The following LAX1 variants were observed in gnomAD, a reference collection of about 807,000 sequenced individuals.
LAX1 encodes the protein lymphocyte transmembrane adapter 1.
A neutral mutation model predicts 20.7 loss-of-function variants in LAX1; 17 were observed. The ratio of observed to expected loss-of-function variants is 0.82; its 90% CI spans 0.56 to 1.23. The LOEUF (loss-of-function observed/expected upper bound fraction) is 1.23, where lower values mean the gene tolerates loss of function less well. LAX1 is among the 50% of genes most tolerant of loss of function. The pLI is 0.00. For missense variants in LAX1, 470 were observed against 487.0 expected, an observed-to-expected ratio of 0.97 and a Z score of 0.33; for synonymous variants, 165 against 181.0, an observed-to-expected ratio of 0.91 and a Z score of 0.71.
chr1:203,775,961 A>ATGGAGC lies in LAX1; in HGVS notation c.*1283_*1288dup. On this transcript the variant is annotated 3_prime_UTR_variant, in exon 5 of 5. Coordinates refer to ENST00000442561, the MANE Select transcript of LAX1 (RefSeq NM_017773.4). ...AAGGGGCTGCAAAGGGAATAGGCTG[A>ATGGAGC]TGGAGCTGTTCTGTATGGTACTGTG... 1 of 152,360 alleles carries ATGGAGC rather than the reference A, an allele frequency of 6.6e-6. No homozygotes were observed. Among genetic ancestry groups the ATGGAGC allele is most frequent in the East Asian group, 1.9e-4 (1 of 5,164 alleles). 9.4% of individuals were successfully genotyped at this position (152,360 alleles called of 1,614,324 possible). A position where few individuals can be genotyped will look rare whatever the true frequency, so the allele number is the denominator to read the frequency against.
Position 203,774,119 on chromosome 1 carries a change from C to T in LAX1, c.635C>T (p.Pro212Leu). The T allele has an allele frequency of 6.2e-7, 1 of 1,614,158 alleles. No homozygotes were observed. The highest frequency in any genetic ancestry group is 1.7e-5 in the Admixed American group (1 of 60,002). Residue 212 changes from proline (P) to leucine (L), a missense_variant, in exon 5 of 5, where the codon CCT (proline) becomes CTT (leucine). Pro to Leu is a moderately conservative substitution (Grantham distance 98). Coordinates refer to ENST00000442561, the MANE Select transcript of LAX1 (RefSeq NM_017773.4). ...GAGACTCTAGCTTCTACCAAAAGCC[C>T]TTCCAGAAATCTCTTTGTTCTTCCC... is the stretch of plus-strand genomic sequence containing the variant. ...IAETLASTKS[P>L]SRNLFVLPST...
At chr1:203,770,689 T>C (rs1314970736) in intron 1 of LAX1, 139 bp from the exon 2 acceptor site, 2 of 669,980 alleles carry the variant, frequency 3.0e-6, no homozygotes, top group East Asian at 5.3e-5. Flanking sequence ...GATAACCCTC[T>C]CTTCCACCAC....
rs756688144 is a variant in LAX1, at chr1:203,774,567, T to C, written c.1083T>C (p.His361=). The C allele has an allele frequency of 1.7e-5, 27 of 1,613,954 alleles. No homozygotes were observed. The highest frequency in any genetic ancestry group is 1.6e-4 in the Middle Eastern group (1 of 6,084). ...AGAGTGAGGACAGTCAGATGAAACA[T>C]AGAGAAGAGATGTCAAATGAGGACT... ...FTQSEDSQMK[H]REEMSNEDSS... Residue 361 remains histidine (H), a synonymous_variant, in exon 5 of 5, where the codon CAT becomes CAC. Transcript: ENST00000442561.
chr1:203,773,104 A>C (rs1667448360), intron 4 of LAX1, among the ~76,000 whole-genome samples: 1 of 152,168 alleles, frequency 6.6e-6, no homozygotes, highest in Admixed American at 6.6e-5. Context: ...CACACTTAAA[A>C]ACCTGCTTTG....
Position 203,769,793 on chromosome 1 carries a change from G to GT in LAX1, c.90-1035_90-1034insT, listed in dbSNP as rs1667373916. The GT allele has an allele frequency of 2.0e-5, 3 of 149,988 alleles. No individual in the cohort carries two copies. In the Admixed American group the frequency reaches 2.0e-4, roughly 10 times the overall value. The allele number at this position is 149,988 out of a possible 1,614,324, so 9.3% of individuals were successfully genotyped here. ...TGGTGCGGGGGGGGGGGCGGCGGGG[G>GT]GTGGGGGGTGTTATTCAAGTTCATG... On this transcript the variant is annotated intron_variant, in intron 1 of 4. Coordinates refer to ENST00000442561, the MANE Select transcript of LAX1 (RefSeq NM_017773.4).
intron 1 of LAX1, among the ~76,000 whole-genome samples, chr1:203,766,106 T>TG (rs1290065040): frequency 6.6e-6 from 1 of 152,196 alleles, no homozygotes; most frequent in African/African-American, 2.4e-5. Flanking sequence ...GAACTAATCA[T>TG]GGGTATGAAT....
At position 203,770,457 on chromosome 1, in the gene LAX1, G is replaced by GAGAGAGAGAGAGAGAGA. The variant is rs55910139; in HGVS notation, c.90-371_90-370insAGAGAGAGAGAGAGAGA. ...AAAGAGAGAGAGAGAGAGAGAGAAA[G>GAGAGAGAGAGAGAGAGA]GAAGGAAGGAAGGAAGGAAGGAAGG... On this transcript the variant is annotated intron_variant, in intron 1 of 4. Transcript: ENST00000442561. 7.6e-4 allele frequency among the ~76,000 whole-genome samples: 22 copies of GAGAGAGAGAGAGAGAGA among 28,950 alleles called. 1 individual carries two copies. Among genetic ancestry groups the GAGAGAGAGAGAGAGAGA allele is most frequent in the South Asian group, 2.0e-3 (2 of 984 alleles). The allele number at this position is 28,950 out of a possible 152,430, so 19.0% of individuals were successfully genotyped here. A position where few individuals can be genotyped will look rare whatever the true frequency, so the allele number is the denominator to read the frequency against.
intron 4 of LAX1, 89 bp from the exon 5 acceptor site, chr1:203,773,778 TTTTTTTCA>T: frequency 3.7e-6 from 1 of 267,428 alleles, no homozygotes; most frequent in East Asian, 7.4e-5. Context: ...TTTTTTTTTT[TTTTTTTCA>T]GAATATGCCA....
At chr1:203,772,044 A>G (rs773011737) in intron 3 of LAX1, 24 bp from the exon 4 acceptor site, 1 of 1,590,998 alleles carries the variant, frequency 6.3e-7, no homozygotes, top group Admixed American at 1.7e-5. Flanking sequence ...GGCTATCTTC[A>G]GGATTTGTTC....
chr1:203,767,552 C>T (rs1426273479), intron 1 of LAX1, among the ~76,000 whole-genome samples: 1 of 151,934 alleles, frequency 6.6e-6, no homozygotes, highest in East Asian at 1.9e-4. Context: ...AGGTGATCCG[C>T]CCACCTCCGC....
rs4950987 is a variant in LAX1 at position 203,770,494 on chromosome 1, G to A, written c.90-334G>A. 0.038 allele frequency among the ~76,000 whole-genome samples: 1,520 copies of A among 40,280 alleles called. 210 individuals carry two copies. The East Asian group carries it at 0.54, about 14-fold the overall frequency. 26.4% of individuals were successfully genotyped at this position (40,280 alleles called of 152,430 possible). A position where few individuals can be genotyped will look rare whatever the true frequency, so the allele number is the denominator to read the frequency against. On this transcript the variant is annotated intron_variant, in intron 1 of 4. Transcript: ENST00000442561. ...GGAAGGAAGGAAGGAAGGAAGGAAG[G>A]AAGGAAGGAAGGAAGGAAGAAAGAA... is the stretch of plus-strand genomic sequence containing the variant.
intron 2 of LAX1, 74 bp from the exon 3 acceptor site, chr1:203,771,293 C>T (rs1244928619): frequency 7.5e-6 from 7 of 937,594 alleles, no homozygotes; most frequent in East Asian, 4.8e-5. Flanking sequence ...CAGGGGCCAT[C>T]TCATTCCCAT....
intron 3 of LAX1, 73 bp from the exon 4 acceptor site, chr1:203,771,995 T>C (rs1020004971): frequency 1.7e-6 from 2 of 1,206,196 alleles, no homozygotes; most frequent in African/African-American, 1.5e-5. Flanking sequence ...GCTTCATCCA[T>C]GATGCAGGGA....
chr1:203,771,973 C>A, intron 3 of LAX1, 95 bp from the exon 4 acceptor site: 1 of 994,092 alleles, frequency 1.0e-6, no homozygotes, highest in Non-Finnish European at 1.6e-6. Flanking sequence ...ATTCCAGACA[C>A]CACGCAAACC....
intron 4 of LAX1, 128 bp downstream of exon 4, chr1:203,772,275 C>G: frequency 1.4e-6 from 1 of 704,570 alleles, no homozygotes; most frequent in South Asian, 1.7e-5. Flanking sequence ...CCCTGCAGTC[C>G]TATTAATAAA....
At chr1:203,767,550 C>A (rs1193708075) in intron 1 of LAX1, among the ~76,000 whole-genome samples, 1 of 151,828 alleles carries the variant, frequency 6.6e-6, no homozygotes, top group African/African-American at 2.4e-5. Flanking sequence ...TCAGGTGATC[C>A]GCCCACCTCC....
In LAX1 at chr1:203,774,724, C is replaced by G. The variant is rs1667484197; in HGVS notation, c.*43C>G. 1.3e-6 allele frequency: 2 copies of G among 1,539,912 alleles called. No individual in the cohort carries two copies. Among genetic ancestry groups the G allele is most frequent in the Non-Finnish European group, 1.8e-6 (2 of 1,124,560 alleles). ...CATAAAGCCACATTGAGTAGTCTAT[C>G]CCATAGGATTGACTACTGCAGAGTC... is the stretch of plus-strand genomic sequence containing the variant. On this transcript the variant is annotated 3_prime_UTR_variant, in exon 5 of 5. Transcript: ENST00000442561.
rs1463927043 is a variant in LAX1 at position 203,772,103 on chromosome 1, A to G, written c.346A>G (p.Thr116Ala). Residue 116 changes from threonine (T) to alanine (A), a missense_variant, in exon 4 of 5, where the codon ACT (threonine) becomes GCT (alanine). Thr to Ala is a moderately conservative substitution (Grantham distance 58). Transcript: ENST00000442561. ...HESRSMRIFS[T>A]ESLLSRNSES... ...GTCGAGGAGTATGCGCATTTTCAGT[A>G]CTGAGAGCCTCCTCTCCAGAAATTC... is the stretch of plus-strand genomic sequence containing the variant. The G allele has an allele frequency of 6.2e-7, 1 of 1,614,024 alleles. No individual in the cohort carries two copies. Among genetic ancestry groups the G allele is most frequent in the Non-Finnish European group, 8.5e-7 (1 of 1,179,980 alleles).
chr1:203,771,578 C>A (rs1667423057), intron 3 of LAX1, 101 bp downstream of exon 3: 2 of 784,940 alleles, frequency 2.5e-6, no homozygotes, highest in African/African-American at 1.7e-5. Context: ...AGTTCTCAAA[C>A]CTGTTTGCCC....
Sources: gnomAD v4.1 joint callset for allele counts (sites outside exome capture counted in the v4.1 genomes callset) on GRCh38, gnomAD v4.1.1 for gene constraint, MANE v1.5 for transcripts, NCBI Gene and HGNC (gene_info 2026-07-23, HGNC 2026-07-21) for gene names.